RPS6KA2: variants seen among roughly 807,000 people sequenced by gnomAD.
RPS6KA2 encodes ribosomal protein S6 kinase alpha-2.
Under a neutral mutation model 91.8 loss-of-function variants are expected in RPS6KA2, and 42 were observed. The ratio of observed to expected loss-of-function variants is 0.46; its 90% confidence interval spans 0.36 to 0.59. The LOEUF (loss-of-function observed/expected upper bound fraction) is 0.59. Ranked by LOEUF, RPS6KA2 falls within the 20% of genes least tolerant of loss-of-function variation. The pLI, the probability that RPS6KA2 is intolerant of heterozygous loss-of-function variation, is 0.00. For synonymous variants in RPS6KA2, 414 were observed against 393.6 expected (o/e 1.05, Z -0.61); for missense variants, 798 against 978.5 (o/e 0.82, Z 2.46).
intron 2 of RPS6KA2, among the ~76,000 whole-genome samples, chr6:166,703,616 C>A (rs1425974409): frequency 2.0e-5 from 3 of 152,168 alleles, no homozygotes; most frequent in Non-Finnish European, 2.9e-5. Flanking sequence ...TTAAAAAGAT[C>A]TTTTTTTCTT....
chr6:166,696,079 C>T (rs777608294), intron 2 of RPS6KA2, among the ~76,000 whole-genome samples: 12 of 152,200 alleles, frequency 7.9e-5, no homozygotes, highest in African/African-American at 1.9e-4. Context: ...TTGTCTTCCA[C>T]GAAACCGGTC....
intron 2 of RPS6KA2, among the ~76,000 whole-genome samples, chr6:166,802,570 T>C (rs991093181): frequency 2.0e-5 from 3 of 152,210 alleles, no homozygotes; most frequent in Non-Finnish European, 2.9e-5. Flanking sequence ...GAATGTTTTC[T>C]GGGCTGACTC....
intron 2 of RPS6KA2, among the ~76,000 whole-genome samples, chr6:166,812,305 A>G (rs1434381888): frequency 6.6e-6 from 1 of 152,152 alleles, no homozygotes; most frequent in African/African-American, 2.4e-5. Context: ...GCAGTGAGCC[A>G]AGATCGTGCT....
chr6:166,735,044 C>T (rs1397301503), intron 2 of RPS6KA2, among the ~76,000 whole-genome samples: 1 of 152,166 alleles, frequency 6.6e-6, no homozygotes, highest in Non-Finnish European at 1.5e-5. Context: ...TGAATTATAT[C>T]ATTCACAAAA....
At chr6:166,460,165 C>T (rs555629862) in intron 11 of RPS6KA2, among the ~76,000 whole-genome samples, 38 of 152,364 alleles carry the variant, frequency 2.5e-4, no homozygotes, top group Non-Finnish European at 3.8e-4. Flanking sequence ...GACAGGAGGA[C>T]GCCTGCATCT....
Position 166,459,544 on chromosome 6 carries a change from T to C in RPS6KA2, c.980A>G (p.Tyr327Cys). Residue 327 changes from tyrosine to cysteine, a missense_variant, in exon 12 of 21, where the codon TAC becomes TGC. Tyr to Cys is a radical substitution (Grantham distance 194). Transcript: ENST00000265678. This position sits in a 1 kb window ranked among gnomAD's most constrained non-coding sequence, Gnocchi z 4.9. The stretch of plus-strand genomic sequence containing the variant: ...GAACGGTGGCTTGATCTCCTTCCGG[T>C]ACAGCGTCTATTAATACAAGGAAAG... ...FFVTIDWNTLYRKEIKPPFKP... is the reference protein window; with the variant it reads ...FFVTIDWNTLCRKEIKPPFKP... 1 of 1,612,506 alleles carries C rather than the reference T, an allele frequency of 6.2e-7. No individual in the cohort carries two copies. The highest frequency in any genetic ancestry group is 8.5e-7 in the Non-Finnish European group (1 of 1,178,650).
At chr6:166,851,067 C>T (rs1217680172) in intron 2 of RPS6KA2, among the ~76,000 whole-genome samples, 4 of 152,238 alleles carry the variant, frequency 2.6e-5, no homozygotes. Context: ...TAGCAAATTA[C>T]ATCACCTTTG....
intron 1 of RPS6KA2, among the ~76,000 whole-genome samples, chr6:166,558,296 C>T (rs965364463): frequency 2.6e-5 from 4 of 152,122 alleles, no homozygotes; most frequent in Admixed American, 2.0e-4. Flanking sequence ...AATGTCACAG[C>T]TCAAGCTGTC....
Position 166,646,190 on chromosome 6 carries a change from C to T in RPS6KA2, c.124-107406G>A, listed in dbSNP as rs532579137. ...GTGCCCATCTCAGTTGATCAGAGGG[C>T]ATCTATTTCAGTCTCTCAGATCACG... On this transcript the variant is annotated intron_variant, in intron 2 of 21. Transcript: ENST00000503859. Among the ~76,000 whole-genome samples, 10 of 148,928 alleles carry T rather than the reference C, an allele frequency of 6.7e-5. No homozygotes were observed. In the East Asian group the frequency reaches 1.6e-3, roughly 24 times the overall value.
At chr6:166,725,877 G>A (rs867807307) in intron 2 of RPS6KA2, among the ~76,000 whole-genome samples, 1 of 152,346 alleles carries the variant, frequency 6.6e-6, no homozygotes, top group Middle Eastern at 3.4e-3. Flanking sequence ...GGGGTGGGGA[G>A]GAGGCAGAGG....
chr6:166,593,300 G>C (rs1562329348), intron 1 of RPS6KA2, among the ~76,000 whole-genome samples: 3 of 152,014 alleles, frequency 2.0e-5, no homozygotes, highest in Non-Finnish European at 4.4e-5. Context: ...TGAAATAGAA[G>C]AGAATGGAAT....
In RPS6KA2 at chr6:166,437,372, G is replaced by A. The variant is rs1185649210; in HGVS notation, c.1333-4882C>T. On this transcript the variant is annotated intron_variant, in intron 14 of 20. Coordinates refer to ENST00000265678, the MANE Select transcript of RPS6KA2 (RefSeq NM_021135.6). The surrounding 1 kb of genome is among the most constrained non-coding windows in gnomAD (Gnocchi z 4.3). ...TCTTTATTATGCAACAAAACAGGGAGGCCTTCTCAGCAAGCGTGGTGATGA... is the reference window on the plus strand; with the variant it reads ...TCTTTATTATGCAACAAAACAGGGAAGCCTTCTCAGCAAGCGTGGTGATGA... Among the ~76,000 whole-genome samples, 1 of 152,176 alleles carries A rather than the reference G, an allele frequency of 6.6e-6. No individual in the cohort carries two copies. The highest frequency in any genetic ancestry group is 1.5e-5 in the Non-Finnish European group (1 of 68,032).
chr6:166,628,485 C>T (rs1786977245), upstream of RPS6KA2, among the ~76,000 whole-genome samples: 1 of 152,206 alleles, frequency 6.6e-6, no homozygotes, highest in African/African-American at 2.4e-5. Context: ...TCAGATGTTG[C>T]GTTAATACTT....
At chr6:166,438,555 G>A (rs976586250) in intron 14 of RPS6KA2, among the ~76,000 whole-genome samples, 4 of 152,208 alleles carry the variant, frequency 2.6e-5, no homozygotes, top group Non-Finnish European at 5.9e-5. Context: ...TACCGAAAAG[G>A]GAGAGTAGCT....
intron 1 of RPS6KA2, among the ~76,000 whole-genome samples, chr6:166,623,315 G>A (rs1387038639): frequency 6.6e-6 from 1 of 152,196 alleles, no homozygotes; most frequent in African/African-American, 2.4e-5. Context: ...TACAAACTAA[G>A]CTTTGGAGGT....
At chr6:166,686,994 G>C (rs1789038626) in intron 2 of RPS6KA2, among the ~76,000 whole-genome samples, 1 of 152,228 alleles carries the variant, frequency 6.6e-6, no homozygotes, top group South Asian at 2.1e-4. Context: ...GGGCAGCTCT[G>C]TCTGCGCCCA....
At chr6:166,604,077 C>A (rs1785849358) in intron 1 of RPS6KA2, among the ~76,000 whole-genome samples, 1 of 152,082 alleles carries the variant, frequency 6.6e-6, no homozygotes, top group Non-Finnish European at 1.5e-5. Context: ...CCTGATTAAC[C>A]CTCCATGGAA....
rs143022878 is a variant in RPS6KA2, at chr6:166,414,790, C to T, written c.1939-859G>A. On this transcript the variant is annotated intron_variant, in intron 19 of 20. Transcript: ENST00000265678. ...TAAAATGAATTAGAATGCGGCTGGG[C>T]GCGTTGGCTCATGCCTGTAATCCTA... Among the ~76,000 whole-genome samples, 144 of 152,336 alleles carry T rather than the reference C, an allele frequency of 9.5e-4. 1 individual carries two copies. Among genetic ancestry groups the T allele is most frequent in the African/African-American group, 3.3e-3 (136 of 41,582 alleles).
chr6:166,785,091 CCTAT>C (rs1346243587), intron 2 of RPS6KA2, among the ~76,000 whole-genome samples: 6 of 152,232 alleles, frequency 3.9e-5, no homozygotes, highest in South Asian at 2.1e-4. Context: ...TTTGCGTCTA[CCTAT>C]CTGTCTGCAT....
Sources: gnomAD v4.1 joint callset for allele counts (sites outside exome capture counted in the v4.1 genomes callset) on GRCh38, gnomAD v4.1.1 for gene constraint, Gnocchi (gnomAD v3.1) non-coding constraint, MANE v1.5 for transcripts, NCBI Gene and HGNC (gene_info 2026-07-23, HGNC 2026-07-21) for gene names.